Variants in KDM2A observed in about 807,000 individuals in gnomAD.
KDM2A encodes lysine-specific demethylase 2A.
In KDM2A, 3 loss-of-function variants were observed where a neutral mutation model predicts 137.3. The observed-to-expected ratio is 0.02, with a 90% confidence interval of 0.01 to 0.06. KDM2A has a LOEUF of 0.06. Ranked by LOEUF, KDM2A falls within the 10% of genes least tolerant of loss-of-function variation. The pLI is 1.00. For synonymous variants in KDM2A, 512 were observed against 541.5 expected, an observed-to-expected ratio of 0.95 and a Z score of 0.76; for missense variants, 738 against 1,510.6, an observed-to-expected ratio of 0.49 and a Z score of 8.48.
chr11:67,222,027 A>T (rs1356530151), intron 10 of KDM2A, among the ~76,000 whole-genome samples: 1 of 149,718 alleles, frequency 6.7e-6, no homozygotes, highest in African/African-American at 2.5e-5. Context: ...GTATAATTCC[A>T]TAGTAAAATA....
chr11:67,122,079 C>T (rs764597552), intron 2 of KDM2A, among the ~76,000 whole-genome samples: 1 of 152,222 alleles, frequency 6.6e-6, no homozygotes, highest in Non-Finnish European at 1.5e-5. Flanking sequence ...CCAAAGAGAG[C>T]TTTATTAGTA....
At chr11:67,224,946 A>G (rs984139085) in intron 10 of KDM2A, among the ~76,000 whole-genome samples, 5 of 148,020 alleles carry the variant, frequency 3.4e-5, no homozygotes, top group Non-Finnish European at 5.9e-5. Flanking sequence ...GGTTCAAACA[A>G]TTCTCCTGCC....
chr11:67,231,440 C>T (rs546380668), intron 11 of KDM2A, 126 bp from the exon 12 acceptor site: 3 of 863,428 alleles, frequency 3.5e-6, no homozygotes, highest in Non-Finnish European at 5.3e-6. Context: ...TAAAGATAGA[C>T]CATTTTTTTA....
chr11:67,250,049 G>A lies in KDM2A; in HGVS notation c.2056-37G>A. On this transcript the variant is annotated intron_variant, in intron 16 of 20. Transcript: ENST00000529006. This position sits in a 1 kb window ranked among gnomAD's most constrained non-coding sequence, Gnocchi z 7.1. Reference sequence around the variant, plus strand: ...TCGGTTCAGAGGGTTTGGAAGAAAGGAAGCACTGATGTTGCTTTTCTGGGC... The same window carrying A: ...TCGGTTCAGAGGGTTTGGAAGAAAGAAAGCACTGATGTTGCTTTTCTGGGC... The A allele has an allele frequency of 1.3e-6, 2 of 1,501,776 alleles. No individual in the cohort carries two copies. The highest frequency in any genetic ancestry group is 1.8e-6 in the Non-Finnish European group (2 of 1,109,058). 93.0% of individuals were successfully genotyped at this position (1,501,776 alleles called of 1,614,324 possible).
At chr11:67,144,005 A>C (rs1212269858) in intron 2 of KDM2A, among the ~76,000 whole-genome samples, 1 of 144,594 alleles carries the variant, frequency 6.9e-6, no homozygotes, top group Non-Finnish European at 1.5e-5. Context: ...GCAGTGGTGC[A>C]ATCTCGGCTC....
chr11:67,160,899 G>A (rs1476944785), intron 2 of KDM2A, among the ~76,000 whole-genome samples: 2 of 152,200 alleles, frequency 1.3e-5, no homozygotes, highest in East Asian at 1.9e-4. Context: ...CTTGAGCCCA[G>A]GAGTTCAAGT....
In KDM2A at chr11:67,245,268, G is replaced by A; in HGVS notation, c.1643G>A (p.Arg548Gln). The A allele has an allele frequency of 6.2e-7, 1 of 1,613,988 alleles. No individual in the cohort carries two copies. The highest frequency in any genetic ancestry group is 8.5e-7 in the Non-Finnish European group (1 of 1,179,880). ...TKPHTMKPAPRLTPVRPAAAS... is the reference protein window; with the variant it reads ...TKPHTMKPAPQLTPVRPAAAS... ...CCTCACACTATGAAACCAGCTCCAC[G>A]GTTAACACCTGTGAGGCCAGCTGCT... is the stretch of plus-strand genomic sequence containing the variant. Residue 548 changes from arginine to glutamine, a missense_variant, in exon 14 of 21, where the codon CGG becomes CAG. Transcript: ENST00000529006. This position sits in a 1 kb window ranked among gnomAD's most constrained non-coding sequence, Gnocchi z 4.1.
At chr11:67,241,782 G>T (rs1859050244) in intron 12 of KDM2A, among the ~76,000 whole-genome samples, 1 of 152,184 alleles carries the variant, frequency 6.6e-6, no homozygotes, top group African/African-American at 2.4e-5. Context: ...AAAACGAAAA[G>T]ATTTGGCCAG....
At chr11:67,211,704 C>A (rs189288716) in intron 6 of KDM2A, among the ~76,000 whole-genome samples, 16 of 143,316 alleles carry the variant, frequency 1.1e-4, no homozygotes, top group Admixed American at 9.9e-4. Context: ...AAAACTTAAT[C>A]TTCATTTCTA....
At chr11:67,225,633 G>A (rs1858516803) in intron 10 of KDM2A, among the ~76,000 whole-genome samples, 1 of 152,184 alleles carries the variant, frequency 6.6e-6, no homozygotes, top group Admixed American at 6.5e-5. Context: ...AGCCAGGTGT[G>A]GTGGCGCATG....
chr11:67,196,643 T>C (rs1466372037), intron 5 of KDM2A: 7 of 359,974 alleles, frequency 1.9e-5, no homozygotes, highest in South Asian at 1.4e-4. Flanking sequence ...AAATACTGTG[T>C]AATTCCACTG....
chr11:67,140,447 A>G (rs1657107953), intron 2 of KDM2A, among the ~76,000 whole-genome samples: 1 of 151,980 alleles, frequency 6.6e-6, no homozygotes, highest in African/African-American at 2.4e-5. Context: ...GTCTCAAGAA[A>G]ACCTTAAAAG....
At position 67,231,679 on chromosome 11, in the gene KDM2A, G is replaced by A; in HGVS notation, c.1198G>A (p.Val400Ile). ...CCTCACTAGCCCTGTAGCGAATGGA[G>A]TCAACCTGGATTATGATGGACTGGG... ...SVLTSPVANG[V>I]NLDYDGLGKT... The change falls in exon 12 of 21, where the codon GTC becomes ATC. Residue 400 changes from valine to isoleucine, a missense_variant. Transcript: ENST00000529006. 6.2e-7 allele frequency: 1 copy of A among 1,613,936 alleles called. No individual in the cohort carries two copies. Among genetic ancestry groups the A allele is most frequent in the Non-Finnish European group, 8.5e-7 (1 of 1,179,854 alleles).
At chr11:67,161,056 T>G (rs1856625378) in intron 2 of KDM2A, among the ~76,000 whole-genome samples, 2 of 152,136 alleles carry the variant, frequency 1.3e-5, no homozygotes, top group Non-Finnish European at 2.9e-5. Context: ...TTGCCTGAGT[T>G]AACTGTGGAC....
At chr11:67,125,031 T>G (rs1242252650) in intron 2 of KDM2A, among the ~76,000 whole-genome samples, 1 of 151,768 alleles carries the variant, frequency 6.6e-6, no homozygotes, top group Admixed American at 6.6e-5. Context: ...CTAATTTTTT[T>G]TTGTATTTTT....
chr11:67,245,569 A>G lies in KDM2A; in HGVS notation c.1833+111A>G. 8.2e-7 allele frequency: 1 copy of G among 1,223,782 alleles called. No individual in the cohort carries two copies. Among genetic ancestry groups the G allele is most frequent in the Non-Finnish European group, 1.1e-6 (1 of 882,588 alleles). The allele number at this position is 1,223,782 out of a possible 1,614,324, so 75.8% of individuals were successfully genotyped here. A position where few individuals can be genotyped will look rare whatever the true frequency, so the allele number is the denominator to read the frequency against. ...CTTCAGAGTTGGAAAGAAAAGGTTT[A>G]TACTCTCTTTTTGGCTTTATTTTGT... On this transcript the variant is annotated intron_variant, in intron 14 of 20. Coordinates refer to ENST00000529006, the MANE Select transcript of KDM2A (RefSeq NM_012308.3). The surrounding 1 kb of genome is among the most constrained non-coding windows in gnomAD (Gnocchi z 4.1).
At chr11:67,176,508 A>G (rs888435789) in intron 2 of KDM2A, among the ~76,000 whole-genome samples, 3 of 152,210 alleles carry the variant, frequency 2.0e-5, no homozygotes, top group Non-Finnish European at 4.4e-5. Flanking sequence ...AAATTTTAAC[A>G]CTGGCTAAAG....
intron 2 of KDM2A, among the ~76,000 whole-genome samples, chr11:67,158,720 C>G (rs969842296): frequency 1.3e-5 from 2 of 152,092 alleles, no homozygotes; most frequent in African/African-American, 4.8e-5. Flanking sequence ...TGGTCTTGAA[C>G]TCAAGTGATC....
Position 67,250,821 on chromosome 11 carries a change from A to G in KDM2A, c.2768+23A>G. On this transcript the variant is annotated intron_variant, in intron 17 of 20. Coordinates refer to ENST00000529006, the MANE Select transcript of KDM2A (RefSeq NM_012308.3). The surrounding 1 kb of genome is among the most constrained non-coding windows in gnomAD (Gnocchi z 7.1). ...ATGGTGAGCAGGGATTCAGGGGGTCAGGAATTAGGGGTATGGGAGTAGGTG... is the reference window on the plus strand; with the variant it reads ...ATGGTGAGCAGGGATTCAGGGGGTCGGGAATTAGGGGTATGGGAGTAGGTG... 6.7e-7 allele frequency: 1 copy of G among 1,501,326 alleles called. No individual in the cohort carries two copies. Among genetic ancestry groups the G allele is most frequent in the Non-Finnish European group, 8.9e-7 (1 of 1,118,096 alleles). 93.0% of individuals were successfully genotyped at this position (1,501,326 alleles called of 1,614,324 possible).
Sources: gnomAD v4.1 joint callset for allele counts (sites outside exome capture counted in the v4.1 genomes callset) on GRCh38, gnomAD v4.1.1 for gene constraint, Gnocchi (gnomAD v3.1) non-coding constraint, MANE v1.5 for transcripts, NCBI Gene and HGNC (gene_info 2026-07-23, HGNC 2026-07-21) for gene names.